Variants in WWOX observed in about 807,000 individuals in gnomAD.
WWOX encodes the protein WW domain-containing oxidoreductase.
Under a neutral mutation model 46.2 loss-of-function variants are expected in WWOX, and 69 were observed. The observed-to-expected ratio is 1.49, with a 90% CI of 1.23 to 1.82. WWOX has a LOEUF of 1.82. Among genes scored for constraint, WWOX ranks in the 40% most tolerant of loss-of-function variants. The probability of loss-of-function intolerance (pLI) is 0.00; values close to 1 mark genes in which losing one functional copy is unlikely to be tolerated. For missense variants in WWOX, 919 were observed against 542.6 expected, an observed-to-expected ratio of 1.69 and a Z score of -6.89; for synonymous variants, 359 against 202.6, an observed-to-expected ratio of 1.77 and a Z score of -6.56.
At chr16:78,918,153 G>A (rs554417091) in intron 8 of WWOX, among the ~76,000 whole-genome samples, 1 of 152,166 alleles carries the variant, frequency 6.6e-6, no homozygotes, top group Non-Finnish European at 1.5e-5. Context: ...AGCCCAGGAG[G>A]TTGAGGCTGC....
intron 8 of WWOX, among the ~76,000 whole-genome samples, chr16:78,782,330 C>T (rs970623975): frequency 6.6e-6 from 1 of 152,190 alleles, no homozygotes; most frequent in Non-Finnish European, 1.5e-5. Context: ...TCCATCCTCT[C>T]TGTTTTCCTA....
chr16:78,488,970 C>T (rs2084710164), intron 8 of WWOX, among the ~76,000 whole-genome samples: 2 of 152,182 alleles, frequency 1.3e-5, no homozygotes, highest in South Asian at 4.1e-4. Context: ...TTGTTGCCTC[C>T]TGCATGTAGA....
chr16:78,608,199 C>A (rs531028937), intron 8 of WWOX, among the ~76,000 whole-genome samples: 1 of 152,118 alleles, frequency 6.6e-6, no homozygotes, highest in African/African-American at 2.4e-5. Context: ...AGCAGAAATA[C>A]ACCATGCATG....
At chr16:79,038,600 A>C (rs2047912388) in intron 8 of WWOX, among the ~76,000 whole-genome samples, 1 of 152,164 alleles carries the variant, frequency 6.6e-6, no homozygotes, top group Non-Finnish European at 1.5e-5. Flanking sequence ...CACAGGCTGG[A>C]GTGCAATGGT....
rs549055602 is a variant in WWOX at position 78,309,272 on chromosome 16, T to C, written c.517-77588T>C. 1.1e-3 allele frequency among the ~76,000 whole-genome samples: 161 copies of C among 152,342 alleles called. 3 individuals carry two copies. The highest frequency in any genetic ancestry group is 6.8e-3 in the Middle Eastern group (2 of 294). On this transcript the variant is annotated intron_variant, in intron 5 of 8. Coordinates refer to ENST00000566780, the MANE Select transcript of WWOX (RefSeq NM_016373.4). Reference sequence around the variant, plus strand: ...ATAAATAAGTGTTTGGTAGTTTCTCTGCGTTCATTCTGCTTCCTGCCGCTT... The same window carrying C: ...ATAAATAAGTGTTTGGTAGTTTCTCCGCGTTCATTCTGCTTCCTGCCGCTT...
At chr16:79,037,495 C>G (rs935132490) in intron 8 of WWOX, among the ~76,000 whole-genome samples, 1 of 152,064 alleles carries the variant, frequency 6.6e-6, no homozygotes, top group Non-Finnish European at 1.5e-5. Flanking sequence ...TCATAGGAGT[C>G]TAGGACTCAG....
chr16:78,670,358 G>T (rs1338734755), intron 8 of WWOX, among the ~76,000 whole-genome samples: 2 of 152,164 alleles, frequency 1.3e-5, no homozygotes, highest in Non-Finnish European at 2.9e-5. Context: ...CAGTGACCCT[G>T]GTTCATCCCG....
chr16:78,841,980 C>G (rs924283659), intron 8 of WWOX, among the ~76,000 whole-genome samples: 1 of 152,066 alleles, frequency 6.6e-6, no homozygotes, highest in African/African-American at 2.4e-5. Flanking sequence ...CAGCTATTCT[C>G]TGGAAGGGAA....
At chr16:78,699,896 G>A (rs2048176489) in intron 8 of WWOX, among the ~76,000 whole-genome samples, 1 of 152,082 alleles carries the variant, frequency 6.6e-6, no homozygotes, top group African/African-American at 2.4e-5. Flanking sequence ...ATGGAGACTG[G>A]CATTGTCCCG....
At chr16:78,587,168 A>G (rs1411519997) in intron 8 of WWOX, among the ~76,000 whole-genome samples, 1 of 147,942 alleles carries the variant, frequency 6.8e-6, no homozygotes, top group Non-Finnish European at 1.5e-5. Flanking sequence ...TGGAACCACA[A>G]GCAGATGCCA....
chr16:79,134,389 T>G (rs185426646), intron 8 of WWOX, among the ~76,000 whole-genome samples: 1 of 152,006 alleles, frequency 6.6e-6, no homozygotes, highest in Admixed American at 6.6e-5. Context: ...CAGCCCAGCA[T>G]GGAAGGGGCT....
At chr16:78,532,186 A>G (rs1406157706) in intron 8 of WWOX, among the ~76,000 whole-genome samples, 1 of 152,096 alleles carries the variant, frequency 6.6e-6, no homozygotes, top group Non-Finnish European at 1.5e-5. Flanking sequence ...CTGTTATAAA[A>G]TCATGTTTTT....
chr16:78,709,064 G>A (rs899553981), intron 8 of WWOX, among the ~76,000 whole-genome samples: 1 of 152,068 alleles, frequency 6.6e-6, no homozygotes. Flanking sequence ...CTTATGAAGT[G>A]ACATCATTCA....
At chr16:78,147,282 T>G (rs2034231403) in intron 4 of WWOX, among the ~76,000 whole-genome samples, 1 of 152,156 alleles carries the variant, frequency 6.6e-6, no homozygotes, top group African/African-American at 2.4e-5. Flanking sequence ...TTTTTGTATG[T>G]TTGAGTACCA....
In WWOX at chr16:78,349,266, C is replaced by T. The variant is rs976314236; in HGVS notation, c.517-37594C>T. Among the ~76,000 whole-genome samples, 21 of 120,200 alleles carry T rather than the reference C, an allele frequency of 1.7e-4. 5 individuals are homozygous for T. Among genetic ancestry groups the T allele is most frequent in the African/African-American group, 5.9e-4 (21 of 35,370 alleles). 78.9% of individuals were successfully genotyped at this position (120,200 alleles called of 152,430 possible). A position where few individuals can be genotyped will look rare whatever the true frequency, so the allele number is the denominator to read the frequency against. The stretch of plus-strand genomic sequence containing the variant: ...CACTCAGATTGCAATAGGACCTGCC[C>T]TGATAGCCTCATTTTTTACATAATC... On this transcript the variant is annotated intron_variant, in intron 5 of 8. Transcript: ENST00000566780.
Position 79,177,514 on chromosome 16 carries a change from C to T in WWOX, c.1057-34094C>T, listed in dbSNP as rs1478884374. 2.6e-5 allele frequency among the ~76,000 whole-genome samples: 4 copies of T among 152,124 alleles called. No homozygotes were observed. In the East Asian group the frequency reaches 7.7e-4, roughly 29 times the overall value. The stretch of plus-strand genomic sequence containing the variant: ...GGGGTCATTACAGATCCCTCAAATC[C>T]CTCTCCTTCCAGCTTTCAATAATTC... On this transcript the variant is annotated intron_variant, in intron 8 of 8. Transcript: ENST00000566780.
At chr16:78,337,083 A>T (rs540694746) in intron 5 of WWOX, among the ~76,000 whole-genome samples, 1 of 152,222 alleles carries the variant, frequency 6.6e-6, no homozygotes, top group African/African-American at 2.4e-5. Context: ...ACCTGACCCT[A>T]GGATAATCTT....
chr16:78,734,767 G>C (rs1280434234), intron 8 of WWOX, among the ~76,000 whole-genome samples: 1 of 141,014 alleles, frequency 7.1e-6, no homozygotes, highest in Non-Finnish European at 1.5e-5. Flanking sequence ...CTGAAGGTCT[G>C]AATAGAGCAA....
At chr16:78,413,993 A>T (rs2082740701) in intron 6 of WWOX, among the ~76,000 whole-genome samples, 1 of 151,794 alleles carries the variant, frequency 6.6e-6, no homozygotes, top group Admixed American at 6.6e-5. Context: ...AAAGAAGTGA[A>T]ATAGCCAGTT....
Sources: allele counts gnomAD v4.1 joint callset (sites outside exome capture counted in the v4.1 genomes callset), GRCh38; gene constraint gnomAD v4.1.1; transcripts MANE v1.5; gene names NCBI Gene and HGNC (gene_info 2026-07-23, HGNC 2026-07-21).